The following TBC1D22A variants were observed in gnomAD, a reference collection of about 807,000 sequenced individuals.
The protein encoded by TBC1D22A is TBC1 domain family member 22A.
In TBC1D22A, 38 loss-of-function variants were observed where a neutral mutation model predicts 60.2. That is an observed-to-expected ratio of 0.63 (90% CI 0.49 to 0.83). TBC1D22A has a LOEUF of 0.83. TBC1D22A is among the 40% of genes least tolerant of loss of function. The pLI is 0.00. For synonymous variants in TBC1D22A, 302 were observed against 281.7 expected (o/e 1.07, Z -0.72); for missense variants, 628 against 701.0 (o/e 0.90, Z 1.18).
At chr22:47,122,560 G>A (rs2066306040) in intron 12 of TBC1D22A, among the ~76,000 whole-genome samples, 1 of 152,204 alleles carries the variant, frequency 6.6e-6, no homozygotes, top group Admixed American at 6.5e-5. Flanking sequence ...GCCACCTGAT[G>A]AGTCTGGAAG....
chr22:47,024,454 T>G (rs1258212244), intron 10 of TBC1D22A, among the ~76,000 whole-genome samples: 1 of 152,128 alleles, frequency 6.6e-6, no homozygotes, highest in Non-Finnish European at 1.5e-5. Flanking sequence ...AACACCCAAC[T>G]GTGTCCTTCA....
intron 4 of TBC1D22A, among the ~76,000 whole-genome samples, chr22:46,803,368 A>G (rs2084982007): frequency 6.6e-6 from 1 of 152,094 alleles, no homozygotes; most frequent in Admixed American, 6.5e-5. Context: ...GACAGTGGGC[A>G]TTCTTGGTGC....
intron 12 of TBC1D22A, among the ~76,000 whole-genome samples, chr22:47,122,981 C>A (rs1046845725): frequency 6.6e-6 from 1 of 152,162 alleles, no homozygotes; most frequent in Non-Finnish European, 1.5e-5. Context: ...TAGAATTATA[C>A]CTGGAAGGAG....
At chr22:47,037,241 C>A in intron 11 of TBC1D22A, 43 bp downstream of exon 11, 1 of 1,606,498 alleles carries the variant, frequency 6.2e-7, no homozygotes, top group Middle Eastern at 1.7e-4. Context: ...GTGCCAGGAG[C>A]CCGGGCCGTT....
intron 12 of TBC1D22A, among the ~76,000 whole-genome samples, chr22:47,130,932 C>T (rs1291747270): frequency 6.6e-6 from 1 of 152,182 alleles, no homozygotes; most frequent in Non-Finnish European, 1.5e-5. Context: ...GCAGGCTGTA[C>T]GAGCATGGCT....
intron 12 of TBC1D22A, among the ~76,000 whole-genome samples, chr22:47,129,408 C>T (rs1203530089): frequency 2.6e-5 from 4 of 152,282 alleles, no homozygotes; most frequent in South Asian, 4.1e-4. Context: ...ACCTGGGAGG[C>T]GGAGGTTGCA....
intron 8 of TBC1D22A, among the ~76,000 whole-genome samples, chr22:46,966,312 G>A (rs1266767914): frequency 3.3e-5 from 5 of 152,082 alleles, no homozygotes; most frequent in South Asian, 4.2e-4. Flanking sequence ...CACACAGCAC[G>A]GCTGTGTGAG....
intron 11 of TBC1D22A, among the ~76,000 whole-genome samples, chr22:47,079,027 C>A (rs1026518520): frequency 1.3e-5 from 2 of 150,568 alleles, no homozygotes; most frequent in Admixed American, 6.6e-5. Context: ...GAGAGCGCTA[C>A]TTTACGTGGC....
chr22:46,788,844 G>A (rs184036956), intron 1 of TBC1D22A: 17 of 152,170 alleles, frequency 1.1e-4, no homozygotes, highest in Admixed American at 9.8e-4. Context: ...CCCTTCAAGG[G>A]GCCAGACTCT....
chr22:46,842,292 G>C (rs745486767), intron 4 of TBC1D22A, among the ~76,000 whole-genome samples: 2 of 152,232 alleles, frequency 1.3e-5, no homozygotes, highest in Non-Finnish European at 1.5e-5. Context: ...CATATAGGCT[G>C]AGCAGTCATG....
intron 11 of TBC1D22A, among the ~76,000 whole-genome samples, chr22:47,077,615 CTGTTGTAAGGAGCCCAGCAA>C (rs2064279378): frequency 6.6e-6 from 1 of 152,154 alleles, no homozygotes; most frequent in African/African-American, 2.4e-5. Flanking sequence ...GTGCCTGGAG[CTGTTGTAAGGAGCCCAGCAA>C]TGAGGTGCTC....
In TBC1D22A at chr22:47,065,078, G is replaced by A. The variant is rs1054217274; in HGVS notation, c.1329+27880G>A. On this transcript the variant is annotated intron_variant, in intron 11 of 12. Transcript: ENST00000337137. ...GGCCCACTGTAACCTCCGCCTCCCG[G>A]GTTCAAGCGATTCTCAACCTTCCGA... is the stretch of plus-strand genomic sequence containing the variant. 3.9e-5 allele frequency among the ~76,000 whole-genome samples: 6 copies of A among 152,174 alleles called. 1 individual carries two copies. The highest frequency in any genetic ancestry group is 1.4e-4 in the African/African-American group (6 of 41,424).
chr22:46,912,067 C>G lies in TBC1D22A; in HGVS notation c.901-7C>G. On this transcript the variant is annotated splice_region_variant and splice_polypyrimidine_tract_variant and intron_variant, in intron 7 of 12. Transcript: ENST00000337137. ...TTTGCTTTACCACCTGTTCCATTTT[C>G]TTTCAGATTTTTGAAAGGATCTTGT... 6.2e-7 allele frequency: 1 copy of G among 1,607,374 alleles called. No individual in the cohort carries two copies. Among genetic ancestry groups the G allele is most frequent in the South Asian group, 1.1e-5 (1 of 89,120 alleles).
chr22:46,789,325 CTG>C lies in TBC1D22A; in HGVS notation c.63-3191_63-3190del, dbSNP rs778693350. Reference sequence around the variant, plus strand: ...TATTTTTCATAGAGACGGGGTTTCACTGTGTTATCCAGGATGGTCTCGATCTC... The same window carrying C: ...TATTTTTCATAGAGACGGGGTTTCACTGTTATCCAGGATGGTCTCGATCTC... On this transcript the variant is annotated intron_variant, in intron 1 of 12. Coordinates refer to ENST00000337137, the MANE Select transcript of TBC1D22A (RefSeq NM_014346.5). 70 of 415,760 alleles carry C rather than the reference CTG, an allele frequency of 1.7e-4. 1 individual carries two copies. In the Admixed American group the frequency reaches 1.7e-3, roughly 10 times the overall value. The allele number at this position is 415,760 out of a possible 1,614,324, so 25.8% of individuals were successfully genotyped here.
At chr22:46,849,907 G>T (rs2087192663) in intron 4 of TBC1D22A, among the ~76,000 whole-genome samples, 1 of 152,158 alleles carries the variant, frequency 6.6e-6, no homozygotes, top group African/African-American at 2.4e-5. Flanking sequence ...TGTTAGTTAT[G>T]TATTTAGCCA....
At chr22:47,165,765 G>A (rs769327959) in intron 12 of TBC1D22A, among the ~76,000 whole-genome samples, 73 of 152,024 alleles carry the variant, frequency 4.8e-4, no homozygotes, top group African/African-American at 5.8e-4. Flanking sequence ...CCTGCCCCCC[G>A]GACCCCGGGG....
intron 4 of TBC1D22A, among the ~76,000 whole-genome samples, chr22:46,813,351 C>G (rs538016830): frequency 6.6e-6 from 1 of 152,204 alleles, no homozygotes; most frequent in African/African-American, 2.4e-5. Context: ...ATTTTTTGAT[C>G]CTTAGTATGC....
intron 1 of TBC1D22A, among the ~76,000 whole-genome samples, chr22:46,765,011 G>A (rs2083237025): frequency 1.3e-5 from 2 of 152,238 alleles, no homozygotes; most frequent in South Asian, 2.1e-4. Flanking sequence ...TTTCTTCTGT[G>A]TGAACCTGAA....
chr22:46,965,626 T>C (rs1396318905), intron 8 of TBC1D22A, among the ~76,000 whole-genome samples: 1 of 152,250 alleles, frequency 6.6e-6, no homozygotes, highest in Non-Finnish European at 1.5e-5. Context: ...GCCAGTTTTA[T>C]TGGTGAGCTT....
Sources: allele counts gnomAD v4.1 joint callset (sites outside exome capture counted in the v4.1 genomes callset), GRCh38; gene constraint gnomAD v4.1.1; transcripts MANE v1.5; gene names NCBI Gene and HGNC (gene_info 2026-07-23, HGNC 2026-07-21).